CFAP65: variants seen among roughly 807,000 people sequenced by gnomAD.
The protein encoded by CFAP65 is cilia- and flagella-associated protein 65.
CFAP65 carries 155 observed loss-of-function variants against 208.0 expected under a neutral mutation model. The observed-to-expected ratio is 0.75, with a 90% CI of 0.65 to 0.85. The LOEUF is 0.85. Ranked by LOEUF, CFAP65 falls within the 40% of genes least tolerant of loss-of-function variation. The pLI is 0.00. For synonymous variants in CFAP65, 970 were observed against 986.3 expected, an observed-to-expected ratio of 0.98 and a Z score of 0.31; for missense variants, 2,294 against 2,451.3, an observed-to-expected ratio of 0.94 and a Z score of 1.36.
chr2:219,020,393 T>C (rs1222447566), intron 19 of CFAP65, among the ~76,000 whole-genome samples: 1 of 152,128 alleles, frequency 6.6e-6, no homozygotes, highest in African/African-American at 2.4e-5. Context: ...TCATTTCATT[T>C]TTGAGATAGG....
rs1280019861 is a variant in CFAP65 at position 219,019,519 on chromosome 2, G to C, written c.3460C>G (p.Pro1154Ala). The C allele has an allele frequency of 1.2e-6, 2 of 1,612,190 alleles. No homozygotes were observed. The highest frequency in any genetic ancestry group is 2.7e-5 in the African/African-American group (2 of 75,034). The change falls in exon 20 of 35, where the codon CCC becomes GCC. Residue 1154 changes from proline (P) to alanine (A), a missense_variant. Pro to Ala is a conservative substitution (Grantham distance 27, BLOSUM62 -1). Around this residue, in one of 2 missense-constraint regions of CFAP65, gnomAD observed 1,427 missense variants for 1,438.7 expected, o/e 0.99. Coordinates refer to ENST00000341552, the MANE Select transcript of CFAP65 (RefSeq NM_194302.4). The stretch of plus-strand genomic sequence containing the variant: ...GGCTCAGCTCACCTGTGCCGGGTGG[G>C]CACCTTGTAGGTGAGCTCACAGGGG... The part of the protein sequence containing the change: ...PTPCELTYKV[P>A]TRHSMSQIPP...
chr2:219,018,965 A>G, intron 21 of CFAP65, 86 bp downstream of exon 21: 1 of 1,567,474 alleles, frequency 6.4e-7, no homozygotes, highest in Non-Finnish European at 8.7e-7. Flanking sequence ...CCAGGCCACC[A>G]CGGGCAAGAG....
rs1457035447 is a variant in CFAP65 at position 219,021,207 on chromosome 2, G to A, written c.3204C>T (p.Pro1068=). Residue 1068 remains proline, a synonymous_variant, in exon 19 of 35, where the codon CCC becomes CCT. Transcript: ENST00000341552. ...TCCAGGAGTACTGGGACCGCTGCTT[G>A]GGACAGGCAGTCAGGCAGATGGTGT... ...SQDTICLTAC[P]KQRSQYSWTI... 1.9e-6 allele frequency: 3 copies of A among 1,608,090 alleles called. No homozygotes were observed. The highest frequency in any genetic ancestry group is 2.5e-6 in the Non-Finnish European group (3 of 1,176,990).
chr2:219,004,007 G>A lies in CFAP65; in HGVS notation c.5500C>T (p.Leu1834=), dbSNP rs774253176. ...TGCTCCTCCTTCACCATGACATTCA[G>A]CTGCTGTTGCCACTGCCATTGCATG... ...ESMQWQWQQQ[L]NVMVKEEQEQ... Residue 1834 remains leucine, a synonymous_variant, in exon 33 of 35, where the codon CTG becomes TTG. Coordinates refer to ENST00000341552, the MANE Select transcript of CFAP65 (RefSeq NM_194302.4). The surrounding 1 kb of genome is among the most constrained non-coding windows in gnomAD (Gnocchi z 4.7). 3.7e-6 allele frequency: 6 copies of A among 1,613,884 alleles called. No individual in the cohort carries two copies. The East Asian group carries it at 1.1e-4, about 30-fold the overall frequency.
At chr2:219,005,592 T>C in intron 31 of CFAP65, 30 bp from the exon 32 acceptor site, 3 of 1,608,568 alleles carry the variant, frequency 1.9e-6, no homozygotes, top group Non-Finnish European at 2.5e-6. Flanking sequence ...CTGAGTGGCC[T>C]GGGCAAGCCA....
chr2:219,003,339 C>A lies in CFAP65; in HGVS notation c.5556-67G>T, dbSNP rs920993065. 6.8e-7 allele frequency: 1 copy of A among 1,463,108 alleles called. No individual in the cohort carries two copies. Among genetic ancestry groups the A allele is most frequent in the African/African-American group, 1.4e-5 (1 of 70,438 alleles). The allele number at this position is 1,463,108 out of a possible 1,614,324, so 90.6% of individuals were successfully genotyped here. On this transcript the variant is annotated intron_variant, in intron 33 of 34. Transcript: ENST00000341552. This position sits in a 1 kb window ranked among gnomAD's most constrained non-coding sequence, Gnocchi z 4.4. ...CCGCGCGCCTCCTCGCTCGCCTGTC[C>A]GTGCGGTACATTGTGCCGCGAGCTC...
intron 10 of CFAP65, 152 bp from the exon 11 acceptor site, chr2:219,029,820 G>C: frequency 1.7e-6 from 2 of 1,146,764 alleles, no homozygotes; most frequent in East Asian, 5.0e-5. Context: ...GTGGGACTGG[G>C]ATCTCCAGGT....
intron 32 of CFAP65, among the ~76,000 whole-genome samples, chr2:219,005,173 GCAC>G (rs1332554142): frequency 2.0e-5 from 3 of 152,072 alleles, no homozygotes; most frequent in Non-Finnish European, 4.4e-5. Flanking sequence ...CTGCAGGCAT[GCAC>G]CACCATGTCC....
In CFAP65 at chr2:219,016,728, C is replaced by T. The variant is rs142848340; in HGVS notation, c.3602+2323G>A. On this transcript the variant is annotated intron_variant, in intron 21 of 34. Coordinates refer to ENST00000341552, the MANE Select transcript of CFAP65 (RefSeq NM_194302.4). The stretch of plus-strand genomic sequence containing the variant: ...ATGTCCCCTTGCCTCAAGCTGCTAA[C>T]CCATTCTCCTCCAGAGACCAGTGTG... Among the ~76,000 whole-genome samples the T allele has an allele frequency of 2.2e-3, 329 of 152,338 alleles. 2 individuals carry two copies. Among genetic ancestry groups the T allele is most frequent in the African/African-American group, 7.6e-3 (317 of 41,568 alleles).
At chr2:219,006,611 A>C in intron 29 of CFAP65, 102 bp from the exon 30 acceptor site, 1 of 1,076,318 alleles carries the variant, frequency 9.3e-7, no homozygotes, top group Non-Finnish European at 1.4e-6. Context: ...AGGCGGGCGG[A>C]TCACCTGAGA....
intron 21 of CFAP65, 63 bp downstream of exon 21, chr2:219,018,988 G>C (rs759104833): frequency 1.2e-6 from 2 of 1,606,466 alleles, no homozygotes; most frequent in East Asian, 2.2e-5. Flanking sequence ...TGCAGCTCTT[G>C]TTCTCCTTCA....
In CFAP65 at chr2:219,006,058, T is replaced by C; in HGVS notation, c.4885A>G (p.Asn1629Asp). ...TGGCAGGGAAACTCTGAGAAGAAGT[T>C]AGCCAGAAAGTAGTCGGTGGCATGG... ...RAHATDYFLA[N>D]FFSEFPCHFL... The change falls in exon 31 of 35, where the codon AAC becomes GAC. Residue 1629 changes from asparagine (N) to aspartate (D), a missense_variant. Physicochemically the swap from Asn to Asp is conservative, Grantham distance 23. Coordinates refer to ENST00000341552, the MANE Select transcript of CFAP65 (RefSeq NM_194302.4). The C allele has an allele frequency of 6.2e-7, 1 of 1,613,360 alleles. No individual in the cohort carries two copies. The highest frequency in any genetic ancestry group is 8.5e-7 in the Non-Finnish European group (1 of 1,180,008).
At chr2:219,035,131 C>G in intron 5 of CFAP65, 1 of 508,752 alleles carries the variant, frequency 2.0e-6, no homozygotes, top group Non-Finnish European at 3.3e-6. Context: ...CATAAGACTC[C>G]AAAATCACGT....
rs757074201 is a variant in CFAP65 at position 219,010,070 on chromosome 2, G to T, written c.4324C>A (p.Gln1442Lys). The T allele has an allele frequency of 3.1e-6, 5 of 1,599,688 alleles. No homozygotes were observed. The South Asian group carries it at 5.6e-5, about 18-fold the overall frequency. ...VVPGQNVFLS[Q>K]SHISLGNIPV... ...ATGTTTCCCAGGGAAATATGAGACT[G>T]GGACAGGAAGACATTCTGTGGGTGG... The change falls in exon 27 of 35, where the codon CAG (glutamine) becomes AAG (lysine). Residue 1442 changes from glutamine (Q) to lysine (K), a missense_variant. Around this residue, in one of 2 missense-constraint regions of CFAP65, gnomAD observed 1,427 missense variants for 1,438.7 expected, o/e 0.99. Transcript: ENST00000341552.
intron 29 of CFAP65, among the ~76,000 whole-genome samples, chr2:219,007,750 C>T (rs981848845): frequency 2.6e-5 from 4 of 152,156 alleles, no homozygotes; most frequent in Admixed American, 2.6e-4. Context: ...GGTATTAACT[C>T]ACTTAATCCT....
chr2:219,030,605 G>A (rs764022348), intron 9 of CFAP65, 84 bp downstream of exon 9: 12 of 1,533,260 alleles, frequency 7.8e-6, no homozygotes, highest in South Asian at 7.4e-5. Flanking sequence ...GGAGAGAAAG[G>A]GGGGGCATTC....
At chr2:219,020,310 C>A (rs1351132271) in intron 19 of CFAP65, among the ~76,000 whole-genome samples, 1 of 152,178 alleles carries the variant, frequency 6.6e-6, no homozygotes, top group Non-Finnish European at 1.5e-5. Flanking sequence ...CAAGTGGTGG[C>A]AGGTATTGAC....
intron 5 of CFAP65, among the ~76,000 whole-genome samples, chr2:219,033,120 A>G (rs1266184811): frequency 6.6e-6 from 1 of 152,248 alleles, no homozygotes; most frequent in Non-Finnish European, 1.5e-5. Context: ...AGAATTGTAC[A>G]ATAAATATTA....
chr2:219,009,514 G>A, intron 27 of CFAP65, 54 bp from the exon 28 acceptor site: 1 of 1,227,516 alleles, frequency 8.1e-7, no homozygotes, highest in Non-Finnish European at 1.2e-6. Context: ...AATTGGATAG[G>A]ATGGCACGGA....
Sources: allele counts gnomAD v4.1 joint callset (sites outside exome capture counted in the v4.1 genomes callset), GRCh38; gene constraint gnomAD v4.1.1; regional missense constraint gnomAD v4.1.1; non-coding constraint Gnocchi (gnomAD v3.1); transcripts MANE v1.5; gene names NCBI Gene and HGNC (gene_info 2026-07-23, HGNC 2026-07-21).